TENM4: variants seen among roughly 807,000 people sequenced by gnomAD.
TENM4 encodes the protein teneurin transmembrane protein 4.
Under a neutral mutation model 243.3 loss-of-function variants are expected in TENM4, and 82 were observed. That is an observed-to-expected ratio of 0.34 (90% CI 0.28 to 0.40). The LOEUF is 0.40. Among genes scored for constraint, TENM4 ranks in the 10% least tolerant of loss-of-function variants. The pLI, the probability that TENM4 is intolerant of heterozygous loss-of-function variation, is 1.00. For synonymous variants in TENM4, 1,412 were observed against 1,456.3 expected (o/e 0.97, Z 0.69); for missense variants, 3,138 against 3,673.3 (o/e 0.85, Z 3.77).
intron 2 of TENM4, among the ~76,000 whole-genome samples, chr11:79,265,040 C>T (rs1476879582): frequency 6.6e-6 from 1 of 152,122 alleles, no homozygotes; most frequent in Non-Finnish European, 1.5e-5. Context: ...ATAACACCTG[C>T]CTGGGTAGAA....
At chr11:78,782,676 G>T (rs1197923060) in intron 16 of TENM4, among the ~76,000 whole-genome samples, 1 of 151,986 alleles carries the variant, frequency 6.6e-6, no homozygotes, top group Non-Finnish European at 1.5e-5. Context: ...TGAGGCAGAA[G>T]AATTGCTTGA....
intron 25 of TENM4, among the ~76,000 whole-genome samples, chr11:78,714,114 A>G (rs1201439451): frequency 6.6e-6 from 1 of 152,350 alleles, no homozygotes; most frequent in East Asian, 1.9e-4. Context: ...GCAGGGCCAG[A>G]GCACTGCAGA....
At chr11:79,035,314 C>A (rs1381281778) in intron 6 of TENM4, among the ~76,000 whole-genome samples, 3 of 152,168 alleles carry the variant, frequency 2.0e-5, no homozygotes, top group African/African-American at 7.2e-5. Flanking sequence ...CCCTGTATCC[C>A]AAACATTACC....
intron 4 of TENM4, among the ~76,000 whole-genome samples, chr11:79,124,590 C>CAT (rs1367406441): frequency 1.0e-4 from 15 of 149,280 alleles, no homozygotes; most frequent in Non-Finnish European, 1.2e-4. Context: ...CTACCCTTAT[C>CAT]ATATATATAT....
At chr11:79,309,305 T>C (rs1856680459) in intron 1 of TENM4, among the ~76,000 whole-genome samples, 1 of 152,184 alleles carries the variant, frequency 6.6e-6, no homozygotes, top group Non-Finnish European at 1.5e-5. Context: ...TTCATTGCCT[T>C]GGGAAGGAAA....
chr11:79,357,236 C>A (rs7946511), intron 1 of TENM4, among the ~76,000 whole-genome samples: 2 of 152,230 alleles, frequency 1.3e-5, no homozygotes, highest in African/African-American at 4.8e-5. Flanking sequence ...CTGGAAGTTC[C>A]CAAAGCAATG....
At chr11:78,938,045 C>T (rs912723501) in intron 6 of TENM4, among the ~76,000 whole-genome samples, 3 of 152,200 alleles carry the variant, frequency 2.0e-5, no homozygotes, top group Admixed American at 2.0e-4. Flanking sequence ...TATAATCATC[C>T]TTCACCCTGA....
At chr11:79,321,076 C>A (rs1050915850) in intron 1 of TENM4, among the ~76,000 whole-genome samples, 6 of 152,214 alleles carry the variant, frequency 3.9e-5, no homozygotes, top group African/African-American at 1.4e-4. Flanking sequence ...GGAGGCCTAG[C>A]TTCAGGGTTA....
chr11:79,025,576 G>T (rs1356432240), intron 6 of TENM4, among the ~76,000 whole-genome samples: 2 of 152,268 alleles, frequency 1.3e-5, no homozygotes, highest in East Asian at 3.9e-4. Context: ...TCTGTGGTAG[G>T]TATTATTATT....
rs765980296 is a variant in TENM4 at position 78,669,865 on chromosome 11, G to A, written c.6480C>T (p.Arg2160=). The A allele has an allele frequency of 5.6e-6, 9 of 1,613,734 alleles. No individual in the cohort carries two copies. The Admixed American group carries it at 1.3e-4, about 24-fold the overall frequency. Reference sequence around the variant, plus strand: ...GGACGGTCATCCAGTACATGAGCGAGCGGAAGATCTCATACTGCACTTCCT... The same window carrying A: ...GGACGGTCATCCAGTACATGAGCGAACGGAAGATCTCATACTGCACTTCCT... ...RMKEVQYEIF[R]SLMYWMTVQY... is the part of the protein sequence containing the mutation. The change falls in exon 32 of 34, where the codon CGC becomes CGT. Residue 2160 remains arginine (R), a synonymous_variant. Transcript: ENST00000278550. This position sits in a 1 kb window ranked among gnomAD's most constrained non-coding sequence, Gnocchi z 6.4.
intron 2 of TENM4, among the ~76,000 whole-genome samples, chr11:79,273,985 G>T (rs937438726): frequency 6.6e-6 from 1 of 152,206 alleles, no homozygotes; most frequent in Admixed American, 6.5e-5. Context: ...AGGGAAGAAT[G>T]CTGGCCTCCT....
At chr11:79,135,657 T>C (rs566968968) in intron 4 of TENM4, among the ~76,000 whole-genome samples, 3 of 140,572 alleles carry the variant, frequency 2.1e-5, no homozygotes, top group South Asian at 2.1e-4. Context: ...ATCATATATA[T>C]ACACACACAT....
intron 6 of TENM4, among the ~76,000 whole-genome samples, chr11:79,062,332 A>G (rs926902423): frequency 6.6e-6 from 1 of 152,132 alleles, no homozygotes. Context: ...TGTGCATGCA[A>G]TTAGGATCCA....
chr11:78,894,885 T>C (rs1406614333), intron 7 of TENM4, among the ~76,000 whole-genome samples: 4 of 145,986 alleles, frequency 2.7e-5, no homozygotes, highest in Admixed American at 7.2e-5. Context: ...TACCAGCTAC[T>C]GGGGAGGCTG....
chr11:79,298,270 C>T (rs1856489341), intron 1 of TENM4, among the ~76,000 whole-genome samples: 1 of 152,028 alleles, frequency 6.6e-6, no homozygotes, highest in African/African-American at 2.4e-5. Flanking sequence ...AATCCCAGCA[C>T]TTTGGGAGGC....
chr11:79,171,190 A>T (rs1176936720), intron 3 of TENM4, among the ~76,000 whole-genome samples: 1 of 152,202 alleles, frequency 6.6e-6, no homozygotes, highest in Non-Finnish European at 1.5e-5. Context: ...CCACAGCAGG[A>T]AAGGGTAGAG....
At chr11:78,945,068 C>G (rs926855390) in intron 6 of TENM4, among the ~76,000 whole-genome samples, 1 of 152,176 alleles carries the variant, frequency 6.6e-6, no homozygotes, top group African/African-American at 2.4e-5. Context: ...TTTGGAAAAA[C>G]TTCTGTTCAT....
At chr11:78,760,122 T>G (rs970315523) in intron 18 of TENM4, among the ~76,000 whole-genome samples, 24 of 152,194 alleles carry the variant, frequency 1.6e-4, no homozygotes, top group African/African-American at 5.3e-4. Context: ...GATCAGGGGT[T>G]GTCTGATTCA....
chr11:79,047,686 G>A (rs1859692283), intron 6 of TENM4, among the ~76,000 whole-genome samples: 1 of 152,196 alleles, frequency 6.6e-6, no homozygotes, highest in Non-Finnish European at 1.5e-5. Flanking sequence ...GCCTAGGGTA[G>A]TGGGAGGATG....
Sources: gnomAD v4.1 joint callset for allele counts (sites outside exome capture counted in the v4.1 genomes callset) on GRCh38, gnomAD v4.1.1 for gene constraint, Gnocchi (gnomAD v3.1) non-coding constraint, MANE v1.5 for transcripts, NCBI Gene and HGNC (gene_info 2026-07-23, HGNC 2026-07-21) for gene names.